The following MSR1 variants were observed in gnomAD, a reference collection of about 807,000 sequenced individuals.
MSR1 encodes the protein macrophage scavenger receptor 1.
Under a neutral mutation model 47.2 loss-of-function variants are expected in MSR1, and 53 were observed. The ratio of observed to expected loss-of-function variants is 1.12; its 90% CI spans 0.90 to 1.41. The LOEUF is 1.41. Among genes scored for constraint, MSR1 ranks in the 40% most tolerant of loss-of-function variants. MSR1 has a pLI of 0.00. For missense variants in MSR1, 786 were observed against 546.9 expected (o/e 1.44, Z -4.36); for synonymous variants, 239 against 185.6 (o/e 1.29, Z -2.34).
chr8:16,189,235 TTA>T (rs1385719927), intron 1 of MSR1, among the ~76,000 whole-genome samples: 1 of 139,340 alleles, frequency 7.2e-6, no homozygotes, highest in East Asian at 2.1e-4. Flanking sequence ...AAATCTTATT[TTA>T]TATATATTTA....
intron 8 of MSR1, among the ~76,000 whole-genome samples, chr8:16,129,408 A>G (rs1198542856): frequency 1.3e-5 from 2 of 152,132 alleles, no homozygotes; most frequent in Non-Finnish European, 2.9e-5. Context: ...TGGAGACTCC[A>G]TGTGAAACAA....
At chr8:16,133,909 A>G (rs1163768999) in intron 8 of MSR1, among the ~76,000 whole-genome samples, 1 of 152,196 alleles carries the variant, frequency 6.6e-6, no homozygotes, top group Non-Finnish European at 1.5e-5. Context: ...CAGTTGTGCA[A>G]GCCAAACCAG....
intron 9 of MSR1, among the ~76,000 whole-genome samples, chr8:16,116,097 A>T (rs79880946): frequency 0.025 from 3,732 of 152,320 alleles, 85 homozygotes; most frequent in Middle Eastern, 0.082. Context: ...TTCAAAGAGA[A>T]TAGCAAATAA....
chr8:16,169,903 T>C (rs1407985594), intron 3 of MSR1, among the ~76,000 whole-genome samples: 2 of 152,052 alleles, frequency 1.3e-5, no homozygotes, highest in Non-Finnish European at 2.9e-5. Flanking sequence ...AAAAATTATA[T>C]TCTAAAATAG....
chr8:16,147,089 T>C (rs542149135), intron 7 of MSR1, among the ~76,000 whole-genome samples: 2 of 152,146 alleles, frequency 1.3e-5, no homozygotes, highest in African/African-American at 2.4e-5. Flanking sequence ...ATGCTGAAAG[T>C]TCTACTATGT....
chr8:16,187,101 A>C (rs1310995938), intron 1 of MSR1, among the ~76,000 whole-genome samples: 3 of 151,876 alleles, frequency 2.0e-5, no homozygotes, highest in Non-Finnish European at 4.4e-5. Context: ...AAAGCAGACC[A>C]CCTGTAATTC....
intron 9 of MSR1, among the ~76,000 whole-genome samples, chr8:16,110,475 T>G (rs922142185): frequency 6.6e-6 from 1 of 152,070 alleles, no homozygotes; most frequent in Non-Finnish European, 1.5e-5. Flanking sequence ...TCTATAAAAG[T>G]AGAGATTAAG....
At chr8:16,183,338 C>A (rs1463801840) in intron 1 of MSR1, among the ~76,000 whole-genome samples, 1 of 151,786 alleles carries the variant, frequency 6.6e-6, no homozygotes, top group Non-Finnish European at 1.5e-5. Context: ...ACACTCTGAA[C>A]TCTGAACGAG....
intron 8 of MSR1, among the ~76,000 whole-genome samples, chr8:16,126,222 C>T (rs1800124951): frequency 6.6e-6 from 1 of 152,048 alleles, no homozygotes; most frequent in Non-Finnish European, 1.5e-5. Flanking sequence ...GTTAGAAAGA[C>T]AACATTCAAA....
chr8:16,140,603 C>T, intron 8 of MSR1: 9 of 1,086,100 alleles, frequency 8.3e-6, no homozygotes, highest in Non-Finnish European at 1.0e-5. Flanking sequence ...TGAAACATCA[C>T]TCTTCCAAGT....
chr8:16,155,024 A>G (rs370373405), intron 6 of MSR1, 40 bp downstream of exon 6: 5 of 1,513,700 alleles, frequency 3.3e-6, no homozygotes, highest in Non-Finnish European at 4.6e-6. Flanking sequence ...TATATCATCT[A>G]TCTTCACAGT....
intron 7 of MSR1, among the ~76,000 whole-genome samples, chr8:16,147,712 C>G (rs1049867623): frequency 4.3e-4 from 66 of 152,094 alleles, no homozygotes; most frequent in African/African-American, 1.5e-3. Context: ...GTCTGCAGTA[C>G]AACTAGAACA....
intron 9 of MSR1, among the ~76,000 whole-genome samples, chr8:16,115,899 G>C (rs1799867503): frequency 6.6e-6 from 1 of 152,054 alleles, no homozygotes; most frequent in East Asian, 1.9e-4. Flanking sequence ...AAGGTGGGAG[G>C]ATCGCTTGAG....
intron 4 of MSR1, among the ~76,000 whole-genome samples, chr8:16,167,949 A>G (rs1057111509): frequency 3.3e-5 from 5 of 152,186 alleles, no homozygotes; most frequent in African/African-American, 1.2e-4. Context: ...ACGGAATATC[A>G]ACATGTTGGG....
intron 8 of MSR1, among the ~76,000 whole-genome samples, chr8:16,122,865 G>T (rs796178856): frequency 0.026 from 1,276 of 49,184 alleles, 24 homozygotes; most frequent in African/African-American, 0.1. Flanking sequence ...TTTTTTTTTT[G>T]AGACGGAGTC....
chr8:16,111,380 T>C lies in MSR1; in HGVS notation c.1223-1162A>G, dbSNP rs796676719. ...TGAAAGCCATGGCTCTGTCATAATT[T>C]GGAGAGTGCGAGAATGGCTCCATGA... On this transcript the variant is annotated intron_variant, in intron 9 of 9. Transcript: ENST00000262101. 3.3e-5 allele frequency among the ~76,000 whole-genome samples: 5 copies of C among 152,280 alleles called. No individual in the cohort carries two copies. In the South Asian group the frequency reaches 8.3e-4, roughly 25 times the overall value.
At chr8:16,169,781 G>A (rs1389751597) in intron 3 of MSR1, among the ~76,000 whole-genome samples, 1 of 151,660 alleles carries the variant, frequency 6.6e-6, no homozygotes, top group African/African-American at 2.4e-5. Flanking sequence ...GTATATGTAT[G>A]GATCTGCCAG....
chr8:16,126,964 C>T (rs982615544), intron 8 of MSR1, among the ~76,000 whole-genome samples: 1 of 152,084 alleles, frequency 6.6e-6, no homozygotes, highest in Non-Finnish European at 1.5e-5. Context: ...ATATAAAGTG[C>T]TTTTCAGAGT....
chr8:16,184,983 T>C (rs903062849), intron 1 of MSR1, among the ~76,000 whole-genome samples: 1 of 151,956 alleles, frequency 6.6e-6, no homozygotes, highest in African/African-American at 2.4e-5. Context: ...CTGACAGGTG[T>C]AGTGGGCCAG....
Sources: gnomAD v4.1 joint callset for allele counts (sites outside exome capture counted in the v4.1 genomes callset) on GRCh38, gnomAD v4.1.1 for gene constraint, MANE v1.5 for transcripts, NCBI Gene and HGNC (gene_info 2026-07-23, HGNC 2026-07-21) for gene names.